Variants in DNAJC1 observed in about 807,000 individuals in gnomAD.
DNAJC1 encodes dnaJ homolog subfamily C member 1.
In DNAJC1, 58 loss-of-function variants were observed where a neutral mutation model predicts 76.6. That is an observed-to-expected ratio of 0.76 (90% CI 0.61 to 0.94). The LOEUF is 0.94. Ranked by LOEUF, DNAJC1 falls within the 40% of genes least tolerant of loss-of-function variation. DNAJC1 has a pLI of 0.00. For missense variants in DNAJC1, 689 were observed against 677.3 expected, an observed-to-expected ratio of 1.02 and a Z score of -0.19; for synonymous variants, 258 against 267.9, an observed-to-expected ratio of 0.96 and a Z score of 0.36.
chr10:21,794,488 T>C (rs1365851183), intron 9 of DNAJC1, among the ~76,000 whole-genome samples: 3 of 152,116 alleles, frequency 2.0e-5, no homozygotes, highest in Non-Finnish European at 4.4e-5. Flanking sequence ...AATTGATCTA[T>C]AGAGTCAATG....
At chr10:21,904,677 G>A in intron 6 of DNAJC1, 65 bp from the exon 7 acceptor site, 2 of 1,035,598 alleles carry the variant, frequency 1.9e-6, no homozygotes, top group African/African-American at 1.6e-5. Flanking sequence ...TATTTTCCAT[G>A]TAACTTAACT....
chr10:21,871,150 A>G (rs1351489180), intron 8 of DNAJC1, among the ~76,000 whole-genome samples: 1 of 152,116 alleles, frequency 6.6e-6, no homozygotes, highest in African/African-American at 2.4e-5. Flanking sequence ...GCATGAAGTT[A>G]TTAAAACAGT....
intron 7 of DNAJC1, among the ~76,000 whole-genome samples, chr10:21,898,448 C>G (rs957751514): frequency 3.3e-5 from 5 of 152,006 alleles, no homozygotes; most frequent in Non-Finnish European, 5.9e-5. Flanking sequence ...ACCCACTGCA[C>G]TGCCAGTTAT....
At chr10:21,792,758 CAAAAAA>C in intron 9 of DNAJC1, among the ~76,000 whole-genome samples, 1 of 65,794 alleles carries the variant, frequency 1.5e-5, no homozygotes, top group Admixed American at 1.8e-4. Context: ...GACAACACCT[CAAAAAA>C]AAAAAAAAAA....
At chr10:21,891,827 A>C (rs1169370528) in intron 7 of DNAJC1, among the ~76,000 whole-genome samples, 1 of 152,212 alleles carries the variant, frequency 6.6e-6, no homozygotes, top group Non-Finnish European at 1.5e-5. Flanking sequence ...AAGCTCTATA[A>C]ACAGAAAATA....
chr10:21,953,846 GAA>G (rs1312531429), intron 1 of DNAJC1, among the ~76,000 whole-genome samples: 2 of 89,354 alleles, frequency 2.2e-5, no homozygotes, highest in Non-Finnish European at 4.7e-5. Context: ...AAAAAAAAAA[GAA>G]GAGGAAAAAA....
intron 1 of DNAJC1, among the ~76,000 whole-genome samples, chr10:21,977,908 T>G (rs1309369528): frequency 6.6e-6 from 1 of 152,098 alleles, no homozygotes; most frequent in Non-Finnish European, 1.5e-5. Flanking sequence ...CTTTTCAAAG[T>G]GACAAGGGAA....
At chr10:21,828,235 G>A (rs1564799777) in intron 8 of DNAJC1, among the ~76,000 whole-genome samples, 1 of 152,150 alleles carries the variant, frequency 6.6e-6, no homozygotes, top group Non-Finnish European at 1.5e-5. Context: ...CTAGAGTAGT[G>A]CAGCCAGATC....
chr10:21,855,176 A>T (rs1430577877), intron 8 of DNAJC1, among the ~76,000 whole-genome samples: 1 of 152,216 alleles, frequency 6.6e-6, no homozygotes. Flanking sequence ...TTAATAAAGC[A>T]AGAATACAAA....
At chr10:21,892,045 G>C (rs575082988) in intron 7 of DNAJC1, among the ~76,000 whole-genome samples, 1 of 151,886 alleles carries the variant, frequency 6.6e-6, no homozygotes, top group Non-Finnish European at 1.5e-5. Context: ...TTTAAGGGGA[G>C]GTAAGGTTTT....
intron 6 of DNAJC1, among the ~76,000 whole-genome samples, chr10:21,912,756 C>T (rs183013381): frequency 4.0e-4 from 61 of 152,016 alleles, no homozygotes; most frequent in Non-Finnish European, 7.2e-4. Context: ...CTTTTAGAAG[C>T]TTTTTTTCCT....
chr10:21,928,660 T>C (rs1048660683), intron 2 of DNAJC1, 108 bp from the exon 3 acceptor site: 11 of 828,078 alleles, frequency 1.3e-5, no homozygotes, highest in African/African-American at 3.4e-5. Context: ...TGTGCCTATA[T>C]ATACAATAAA....
chr10:21,791,269 T>C (rs1281166938), intron 9 of DNAJC1, among the ~76,000 whole-genome samples: 2 of 152,102 alleles, frequency 1.3e-5, no homozygotes, highest in East Asian at 3.9e-4. Context: ...AAGGGAGAGA[T>C]AGACTCCAAT....
At chr10:21,913,949 CCT>C (rs1258146617) in intron 6 of DNAJC1, among the ~76,000 whole-genome samples, 1 of 152,152 alleles carries the variant, frequency 6.6e-6, no homozygotes, top group Non-Finnish European at 1.5e-5. Flanking sequence ...TGAAGCTCCC[CCT>C]GCTTCCTTGT....
intron 10 of DNAJC1, 35 bp from the exon 11 acceptor site, chr10:21,759,653 G>T (rs754083201): frequency 1.3e-6 from 2 of 1,591,596 alleles, no homozygotes; most frequent in African/African-American, 1.3e-5. Context: ...GAGGTGAAGG[G>T]CAAGGTGAAT....
intron 1 of DNAJC1, among the ~76,000 whole-genome samples, chr10:21,975,094 T>C (rs1374654968): frequency 6.6e-6 from 1 of 152,116 alleles, no homozygotes; most frequent in Non-Finnish European, 1.5e-5. Flanking sequence ...CAGTATAGGC[T>C]GGTTAAAGAG....
Position 21,814,765 on chromosome 10 carries a change from G to A in DNAJC1, c.979-8666C>T, listed in dbSNP as rs117159431. On this transcript the variant is annotated intron_variant, in intron 8 of 11. Coordinates refer to ENST00000376980, the MANE Select transcript of DNAJC1 (RefSeq NM_022365.4). ...CTTGAAGAGTATTCAGGCTCTTACT[G>A]CCCTGGATTGGATTTATTAATAGAA... Among the ~76,000 whole-genome samples the A allele has an allele frequency of 7.0e-3, 1,071 of 152,290 alleles. 5 individuals are homozygous for A. Among genetic ancestry groups the A allele is most frequent in the Non-Finnish European group, 0.012 (797 of 68,008 alleles).
At chr10:21,804,510 T>G (rs1180158416) in intron 9 of DNAJC1, among the ~76,000 whole-genome samples, 1 of 152,054 alleles carries the variant, frequency 6.6e-6, no homozygotes, top group Non-Finnish European at 1.5e-5. Flanking sequence ...AGATATTTAC[T>G]GATATGTCAT....
chr10:21,767,536 C>T (rs1230637862), intron 9 of DNAJC1, among the ~76,000 whole-genome samples: 3 of 152,228 alleles, frequency 2.0e-5, no homozygotes, highest in Non-Finnish European at 2.9e-5. Flanking sequence ...GATCCTCCCA[C>T]CTCAGCCTCC....
Sources: allele counts gnomAD v4.1 joint callset (sites outside exome capture counted in the v4.1 genomes callset), GRCh38; gene constraint gnomAD v4.1.1; transcripts MANE v1.5; gene names NCBI Gene and HGNC (gene_info 2026-07-23, HGNC 2026-07-21).